Variants in MMAA observed in about 807,000 individuals in gnomAD.
The protein encoded by MMAA is methylmalonic aciduria type A protein, mitochondrial.
In MMAA, 41 loss-of-function variants were observed where a neutral mutation model predicts 45.0. That is an observed-to-expected ratio of 0.91 (90% CI 0.71 to 1.18). The LOEUF (loss-of-function observed/expected upper bound fraction) is 1.18, where lower values mean the gene tolerates loss of function less well. Ranked by LOEUF, MMAA falls within the 50% of genes most tolerant of loss-of-function variation. The pLI, the probability that MMAA is intolerant of heterozygous loss-of-function variation, is 0.00. For missense variants in MMAA, 460 were observed against 495.7 expected (o/e 0.93, Z 0.68); for synonymous variants, 154 against 178.2 (o/e 0.86, Z 1.08).
At chr4:145,639,862 T>C (rs1159154760) in intron 2 of MMAA, 1 of 978,552 alleles carries the variant, frequency 1.0e-6, no homozygotes, top group Non-Finnish European at 1.2e-6. Context: ...TAGGAAGAAC[T>C]ACTAGTGAGT....
chr4:145,655,633 G>A lies in MMAA; in HGVS notation c.*199G>A. On this transcript the variant is annotated 3_prime_UTR_variant, in exon 7 of 7. Transcript: ENST00000649156. The stretch of plus-strand genomic sequence containing the variant: ...AGTATTTATAAGGTACCTGTTTTAT[G>A]TTACTGATATCTGTTTCCTTCTCTT... 1 of 535,910 alleles carries A rather than the reference G, an allele frequency of 1.9e-6. No individual in the cohort carries two copies. 33.2% of individuals were successfully genotyped at this position (535,910 alleles called of 1,614,324 possible).
intron 1 of MMAA, among the ~76,000 whole-genome samples, chr4:145,638,686 A>ATTT (rs958870739): frequency 1.3e-5 from 2 of 148,514 alleles, no homozygotes; most frequent in African/African-American, 4.9e-5. Context: ...AGAGAGATTC[A>ATTT]TTTTTTTTTT....
intron 2 of MMAA, chr4:145,639,939 C>A: frequency 1.6e-6 from 1 of 626,220 alleles, no homozygotes; most frequent in East Asian, 1.4e-4. Flanking sequence ...GTTTTGTTGT[C>A]GTATCAACTA....
intron 1 of MMAA, among the ~76,000 whole-genome samples, chr4:145,629,921 G>A (rs1453067314): frequency 6.6e-6 from 1 of 152,110 alleles, no homozygotes; most frequent in East Asian, 1.9e-4. Context: ...GCTACAAGGT[G>A]AGATTTGGGT....
intron 1 of MMAA, among the ~76,000 whole-genome samples, chr4:145,628,808 A>C (rs551442163): frequency 6.6e-6 from 1 of 152,322 alleles, no homozygotes; most frequent in Admixed American, 6.5e-5. Context: ...TCAGCCAAAA[A>C]ACAACATAAA....
At chr4:145,622,515 C>T (rs1195179963) in intron 1 of MMAA, among the ~76,000 whole-genome samples, 3 of 151,688 alleles carry the variant, frequency 2.0e-5, no homozygotes, top group African/African-American at 7.3e-5. Flanking sequence ...TTTGATAGTG[C>T]TTAGCTTACA....
chr4:145,654,105 A>T lies in MMAA; in HGVS notation c.931A>T (p.Lys311Ter). The T allele has an allele frequency of 6.2e-7, 1 of 1,614,154 alleles. No homozygotes were observed. Among genetic ancestry groups the T allele is most frequent in the South Asian group, 1.1e-5 (1 of 91,080 alleles). ...RIQAEYVSAL[K>*]LLRKRSQVWK... Reference sequence around the variant, plus strand: ...ACAAGCGGAATATGTGAGTGCACTGAAATTACTCCGCAAACGTTCACAAGT... The same window carrying T: ...ACAAGCGGAATATGTGAGTGCACTGTAATTACTCCGCAAACGTTCACAAGT... The change falls in exon 6 of 7, where the codon AAA (lysine) becomes TAA (stop). Residue 311 changes from lysine to a stop codon, truncating the protein, a stop_gained. Coordinates refer to ENST00000649156, the MANE Select transcript of MMAA (RefSeq NM_172250.3). LOFTEE classifies it high-confidence loss of function.
In MMAA at chr4:145,639,452, A is replaced by G. The variant is rs1284134117; in HGVS notation, c.313A>G (p.Ile105Val). 1.2e-6 allele frequency: 2 copies of G among 1,614,228 alleles called. No individual in the cohort carries two copies. Among genetic ancestry groups the G allele is most frequent in the Middle Eastern group, 1.6e-4 (1 of 6,062 alleles). ...GCAAAGGGCCTGTTTAGCAGAGGCC[A>G]TAACTCTTGTAGAATCAACTCACAG... Reference protein sequence around the residue: ...QGQRACLAEAITLVESTHSRK... With the variant: ...QGQRACLAEAVTLVESTHSRK... The change falls in exon 2 of 7, where the codon ATA becomes GTA. Residue 105 changes from isoleucine (I) to valine (V), a missense_variant. Coordinates refer to ENST00000649156, the MANE Select transcript of MMAA (RefSeq NM_172250.3).
At chr4:145,625,471 C>T (rs768725694) in intron 1 of MMAA, 1 of 716,324 alleles carries the variant, frequency 1.4e-6, no homozygotes, top group African/African-American at 1.7e-5. Context: ...CTGACTTCTG[C>T]TCTGGCATAG....
rs1728303471 is a variant in MMAA at position 145,658,696 on chromosome 4, A to G, written c.*3262A>G. 6.6e-6 allele frequency: 1 copy of G among 151,118 alleles called. No homozygotes were observed. Among genetic ancestry groups the G allele is most frequent in the Non-Finnish European group, 1.5e-5 (1 of 67,704 alleles). 9.4% of individuals were successfully genotyped at this position (151,118 alleles called of 1,614,324 possible). On this transcript the variant is annotated 3_prime_UTR_variant, in exon 7 of 7. Transcript: ENST00000649156. ...ATGTAGTTGAACCTCTAAGGCAAAAAAAAAAAAAAAAAGGAAAAATTAGTG... is the reference window on the plus strand; with the variant it reads ...ATGTAGTTGAACCTCTAAGGCAAAAGAAAAAAAAAAAAGGAAAAATTAGTG...
At position 145,619,421 on chromosome 4, in the gene MMAA, G is replaced by C. The variant is rs1734039730; in HGVS notation, c.-66+14G>C. On this transcript the variant is annotated intron_variant, in intron 1 of 6. Coordinates refer to ENST00000649156, the MANE Select transcript of MMAA (RefSeq NM_172250.3). ...GGCTTCGGGCGGGTGAGTATGGGGA[G>C]TGCGCGCGGCGTCCAGGAGTCGGGA... The C allele has an allele frequency of 6.6e-6, 1 of 152,308 alleles. No individual in the cohort carries two copies. Among genetic ancestry groups the C allele is most frequent in the South Asian group, 2.1e-4 (1 of 4,848 alleles). The allele number at this position is 152,308 out of a possible 1,614,324, so 9.4% of individuals were successfully genotyped here. A position where few individuals can be genotyped will look rare whatever the true frequency, so the allele number is the denominator to read the frequency against.
intron 1 of MMAA, chr4:145,624,780 G>A: frequency 1.2e-6 from 2 of 1,603,960 alleles, no homozygotes; most frequent in Non-Finnish European, 1.7e-6. Context: ...CACGCACTCT[G>A]CAAAGCTTAT....
At chr4:145,640,529 G>GT (rs1471709769) in intron 2 of MMAA, among the ~76,000 whole-genome samples, 1 of 151,844 alleles carries the variant, frequency 6.6e-6, no homozygotes, top group Non-Finnish European at 1.5e-5. Context: ...TTTTTTAGAA[G>GT]TTTTTTGTAG....
chr4:145,659,368 C>G lies in MMAA; in HGVS notation c.*3934C>G, dbSNP rs753155141. The stretch of plus-strand genomic sequence containing the variant: ...GTTTTAGAGAAAATTTCACTCTGTA[C>G]TAGAAAATGTAGATGATGTGAGTCA... On this transcript the variant is annotated 3_prime_UTR_variant, in exon 7 of 7. Transcript: ENST00000649156. The G allele has an allele frequency of 1.2e-4, 19 of 152,004 alleles. No individual in the cohort carries two copies. Among genetic ancestry groups the G allele is most frequent in the Admixed American group, 2.6e-4 (4 of 15,266 alleles). The allele number at this position is 152,004 out of a possible 1,614,324, so 9.4% of individuals were successfully genotyped here.
chr4:145,653,081 C>T (rs1471582538), intron 5 of MMAA, among the ~76,000 whole-genome samples: 4 of 151,932 alleles, frequency 2.6e-5, no homozygotes, highest in Admixed American at 1.3e-4. Context: ...CTTTGTTGCC[C>T]GAGTTGGTCT....
chr4:145,638,440 G>A (rs1727684431), intron 1 of MMAA, among the ~76,000 whole-genome samples: 1 of 152,214 alleles, frequency 6.6e-6, no homozygotes, highest in South Asian at 2.1e-4. Flanking sequence ...ATTCTGATTA[G>A]TGGGGCTGGG....
intron 1 of MMAA, among the ~76,000 whole-genome samples, chr4:145,620,475 C>T (rs993103426): frequency 1.3e-5 from 2 of 152,198 alleles, no homozygotes; most frequent in Non-Finnish European, 2.9e-5. Flanking sequence ...TTTTCTCCAA[C>T]ACAGGCCAAA....
rs1210141602 is a variant in MMAA at position 145,655,429 on chromosome 4, G to A, written c.1252G>A (p.Asp418Asn). Residue 418 changes from aspartate (D) to asparagine (N), a missense_variant, in exon 7 of 7, where the codon GAC (aspartate) becomes AAC (asparagine). By Grantham distance (23) the Asp-to-Asn change is conservative (BLOSUM62 1). Transcript: ENST00000649156. ...CTTGTTAAAAGCTTTTAAAAGCAGAGACTAATAAAATTCATCCTGTATAAT... is the reference window on the plus strand; with the variant it reads ...CTTGTTAAAAGCTTTTAAAAGCAGAAACTAATAAAATTCATCCTGTATAAT... ...DFLLKAFKSR[D>N] 2 of 1,609,790 alleles carry A rather than the reference G, an allele frequency of 1.2e-6. No individual in the cohort carries two copies. The highest frequency in any genetic ancestry group is 4.5e-5 in the East Asian group (2 of 44,836).
chr4:145,652,398 A>G (rs1031074805), intron 5 of MMAA, among the ~76,000 whole-genome samples: 5 of 152,268 alleles, frequency 3.3e-5, no homozygotes, highest in Admixed American at 6.5e-5. Flanking sequence ...TCTTTCTGCC[A>G]TGGTCAGTCT....
Sources: gnomAD v4.1 joint callset for allele counts (sites outside exome capture counted in the v4.1 genomes callset) on GRCh38, gnomAD v4.1.1 for gene constraint, MANE v1.5 for transcripts, NCBI Gene and HGNC (gene_info 2026-07-23, HGNC 2026-07-21) for gene names.